XKR9: variants seen among roughly 807,000 people sequenced by gnomAD.
The protein encoded by XKR9 is XK related 9.
XKR9 carries 32 observed loss-of-function variants against 32.0 expected under a neutral mutation model. That is an observed-to-expected ratio of 1.00 (90% CI 0.76 to 1.34). The LOEUF is 1.34. Among genes scored for constraint, XKR9 ranks in the 40% most tolerant of loss-of-function variants. The probability of loss-of-function intolerance (pLI) is 0.00; values close to 1 mark genes in which losing one functional copy is unlikely to be tolerated. For synonymous variants in XKR9, 168 were observed against 143.4 expected (o/e 1.17, Z -1.22); for missense variants, 546 against 429.7 (o/e 1.27, Z -2.39).
chr8:70,806,016 G>A, the XKR9 span, among the ~76,000 whole-genome samples: 4 of 152,264 alleles, frequency 2.6e-5, no homozygotes, highest in Non-Finnish European at 5.9e-5. Context: ...CTGGCATCAG[G>A]TTGATGCCCC....
chr8:70,900,645 T>C, the XKR9 span, among the ~76,000 whole-genome samples: 1 of 152,124 alleles, frequency 6.6e-6, no homozygotes, highest in Non-Finnish European at 1.5e-5. Flanking sequence ...TATTTTAGCA[T>C]ACTTGGCTCA....
the XKR9 span, among the ~76,000 whole-genome samples, chr8:70,871,563 C>T: frequency 4.6e-5 from 7 of 152,280 alleles, no homozygotes; most frequent in South Asian, 8.3e-4. Flanking sequence ...AGGCACTGCA[C>T]ACCACCCTCA....
chr8:70,744,355 T>C (rs1338447534), intron 2 of XKR9, among the ~76,000 whole-genome samples: 3 of 152,010 alleles, frequency 2.0e-5, no homozygotes, highest in African/African-American at 7.3e-5. Context: ...ACAAGATGTG[T>C]AAAGCTTTTT....
chr8:70,741,065 C>T (rs542096762), intron 2 of XKR9, among the ~76,000 whole-genome samples: 12 of 152,342 alleles, frequency 7.9e-5, no homozygotes, highest in East Asian at 5.8e-4. Flanking sequence ...GTGCCCTGCC[C>T]CCAGAGGTGG....
the XKR9 span, among the ~76,000 whole-genome samples, chr8:71,059,377 C>G: frequency 6.6e-6 from 1 of 152,228 alleles, no homozygotes; most frequent in South Asian, 2.1e-4. Context: ...TGAGCTACCT[C>G]ATAAACTCCC....
chr8:70,859,332 A>T, the XKR9 span, among the ~76,000 whole-genome samples: 1 of 152,120 alleles, frequency 6.6e-6, no homozygotes, highest in Non-Finnish European at 1.5e-5. Flanking sequence ...GTCTTTTATC[A>T]AAAAGACATT....
chr8:71,032,300 A>AC, the XKR9 span, among the ~76,000 whole-genome samples: 17 of 148,934 alleles, frequency 1.1e-4, no homozygotes, highest in Non-Finnish European at 1.5e-4. Context: ...AAAAAAAAAA[A>AC]AAAAAAAACC....
At chr8:70,881,102 C>T in the XKR9 span, among the ~76,000 whole-genome samples, 2 of 152,116 alleles carry the variant, frequency 1.3e-5, no homozygotes, top group African/African-American at 4.8e-5. Context: ...CTTCCTTCAC[C>T]TTATACAAAA....
At chr8:70,680,578 A>G (rs1250468576) in intron 2 of XKR9, among the ~76,000 whole-genome samples, 1 of 152,100 alleles carries the variant, frequency 6.6e-6, no homozygotes, top group Non-Finnish European at 1.5e-5. Context: ...TGGGTAGGTC[A>G]TATTTTTAAA....
chr8:70,861,075 C>A, the XKR9 span, among the ~76,000 whole-genome samples: 1 of 152,054 alleles, frequency 6.6e-6, no homozygotes, highest in African/African-American at 2.4e-5. Flanking sequence ...GAAAAATGGA[C>A]ATATGCAGCT....
At chr8:70,774,994 A>C (rs1453590678) in intron 2 of XKR9, among the ~76,000 whole-genome samples, 1 of 152,140 alleles carries the variant, frequency 6.6e-6, no homozygotes, top group Non-Finnish European at 1.5e-5. Flanking sequence ...TCTTTCATCT[A>C]CACAGGTCTT....
chr8:70,739,119 C>T (rs1270073291), downstream of XKR9, among the ~76,000 whole-genome samples: 1 of 151,948 alleles, frequency 6.6e-6, no homozygotes, highest in African/African-American at 2.4e-5. Context: ...GTTTGTAGGT[C>T]ACTCAGGACT....
At chr8:70,935,132 CATATATATACACATATAT>C in the XKR9 span, among the ~76,000 whole-genome samples, 1 of 145,988 alleles carries the variant, frequency 6.8e-6, no homozygotes, top group African/African-American at 2.5e-5. Context: ...CACACACACA[CATATATATACACATATAT>C]ACATATATAT....
intron 2 of XKR9, among the ~76,000 whole-genome samples, chr8:70,756,318 T>C (rs1807225802): frequency 6.6e-6 from 1 of 152,232 alleles, no homozygotes. Flanking sequence ...AGTTTATTAT[T>C]CATTTTCAGC....
chr8:70,866,785 C>A, the XKR9 span, among the ~76,000 whole-genome samples: 1 of 151,866 alleles, frequency 6.6e-6, no homozygotes, highest in Admixed American at 6.6e-5. Flanking sequence ...ATGCCTGGCC[C>A]TGGAGTATGA....
chr8:70,933,161 T>C, the XKR9 span, among the ~76,000 whole-genome samples: 1 of 152,106 alleles, frequency 6.6e-6, no homozygotes, highest in Non-Finnish European at 1.5e-5. Flanking sequence ...GGCTCCTCTA[T>C]TATTGAAGAG....
At chr8:70,670,345 A>G (rs924839091) in intron 1 of XKR9, among the ~76,000 whole-genome samples, 1 of 152,202 alleles carries the variant, frequency 6.6e-6, no homozygotes, top group Non-Finnish European at 1.5e-5. Flanking sequence ...TCAGCCAAGT[A>G]TTAACTATCC....
the XKR9 span, among the ~76,000 whole-genome samples, chr8:70,804,264 G>A: frequency 2.0e-5 from 3 of 152,338 alleles, no homozygotes; most frequent in Non-Finnish European, 4.4e-5. Flanking sequence ...TGCTGTTTGG[G>A]TATTTCCTGG....
At chr8:70,768,273 G>A (rs6990100) in intron 2 of XKR9, among the ~76,000 whole-genome samples, 48,195 of 152,076 alleles carry the variant, frequency 0.32, 8,989 homozygotes, top group Non-Finnish European at 0.43. Context: ...TGATTGCACT[G>A]TGGTCTGAGA....
Sources: gnomAD v4.1 joint callset for allele counts (sites outside exome capture counted in the v4.1 genomes callset) on GRCh38, gnomAD v4.1.1 for gene constraint, MANE v1.5 for transcripts, NCBI Gene and HGNC (gene_info 2026-07-23, HGNC 2026-07-21) for gene names.